PXDN: variants seen among roughly 807,000 people sequenced by gnomAD.
PXDN encodes peroxidasin.
PXDN carries 77 observed loss-of-function variants against 140.3 expected under a neutral mutation model. That is an observed-to-expected ratio of 0.55 (90% CI 0.46 to 0.66). The LOEUF is 0.66. Ranked by LOEUF, PXDN falls within the 30% of genes least tolerant of loss-of-function variation. The probability of loss-of-function intolerance (pLI) is 0.00; values close to 1 mark genes in which losing one functional copy is unlikely to be tolerated. For missense variants in PXDN, 1,838 were observed against 2,039.5 expected (o/e 0.90, Z 1.90); for synonymous variants, 911 against 857.4 (o/e 1.06, Z -1.09).
intron 14 of PXDN, among the ~76,000 whole-genome samples, chr2:1,658,080 CTCTCTCTCTCTCTGTT>C (rs750482583): frequency 1.4e-5 from 1 of 70,274 alleles, no homozygotes; most frequent in African/African-American, 5.1e-5. Context: ...CTCTCTCTCT[CTCTCTCTCTCTCTGTT>C]ACAGTGTCTG....
chr2:1,662,534 T>C (rs1162272287), intron 12 of PXDN, among the ~76,000 whole-genome samples: 1 of 152,184 alleles, frequency 6.6e-6, no homozygotes, highest in Non-Finnish European at 1.5e-5. Context: ...CTCAGGCATA[T>C]GCTGTGCCGC....
intron 11 of PXDN, chr2:1,664,327 G>C (rs1395163215): frequency 6.4e-6 from 1 of 157,128 alleles, no homozygotes; most frequent in East Asian, 1.9e-4. Flanking sequence ...GTCACTGCTT[G>C]CATCCCAGGA....
Position 1,647,306 on chromosome 2 carries a change from G to GA in PXDN, c.3608+865dup, listed in dbSNP as rs1288620398. On this transcript the variant is annotated intron_variant, in intron 17 of 22. Transcript: ENST00000252804. ...ATATCTAGCAAAAAGGAGAGCCGCT[G>GA]AATGTCTCCACTTTGGGGAATTCTG... is the stretch of plus-strand genomic sequence containing the variant. Among the ~76,000 whole-genome samples, 5 of 152,214 alleles carry GA rather than the reference G, an allele frequency of 3.3e-5. No individual in the cohort carries two copies. The South Asian group carries it at 8.3e-4, about 25-fold the overall frequency.
chr2:1,743,629 T>G (rs1355032874), intron 1 of PXDN, among the ~76,000 whole-genome samples: 5 of 20,040 alleles, frequency 2.5e-4, no homozygotes, highest in Non-Finnish European at 4.4e-4. Context: ...GGGCGGAGGC[T>G]GGGGGAGGAG....
At position 1,648,666 on chromosome 2, in the gene PXDN, G is replaced by T. The variant is rs772364329; in HGVS notation, c.3114C>A (p.Ile1038=). ...GCGTCCTCATGCCCACCTCCCCCAG[G>T]ATCTTCGGGAGCCAGTGCTGGTAGG... ...HITYQHWLPK[I]LGEVGMRTLG... The change falls in exon 17 of 23, where the codon ATC becomes ATA. Residue 1038 remains isoleucine (I), a synonymous_variant. Transcript: ENST00000252804. The surrounding 1 kb of genome is among the most constrained non-coding windows in gnomAD (Gnocchi z 8.9). The T allele has an allele frequency of 6.2e-7, 1 of 1,608,738 alleles. No individual in the cohort carries two copies. Among genetic ancestry groups the T allele is most frequent in the Non-Finnish European group, 8.5e-7 (1 of 1,178,002 alleles).
intron 7 of PXDN, among the ~76,000 whole-genome samples, 191 bp from the exon 8 acceptor site, chr2:1,677,235 T>C (rs1347315296): frequency 6.6e-6 from 1 of 152,110 alleles, no homozygotes; most frequent in Admixed American, 6.5e-5. Context: ...CGGATCTACA[T>C]GATGTCTATG....
rs1684849923 is a variant in PXDN, at chr2:1,714,356, C to A, written c.201-21222G>T. 6.6e-6 allele frequency among the ~76,000 whole-genome samples: 1 copy of A among 152,294 alleles called. No individual in the cohort carries two copies. The highest frequency in any genetic ancestry group is 2.1e-4 in the South Asian group (1 of 4,822). ...GTCCGGCACCCTGGCCCACTCGCTC[C>A]CATGCCTTTGAGAGGAGATCAGGTC... On this transcript the variant is annotated intron_variant, in intron 1 of 22. Transcript: ENST00000252804. This position sits in a 1 kb window ranked among gnomAD's most constrained non-coding sequence, Gnocchi z 4.3.
chr2:1,728,401 G>A (rs1381506176), intron 1 of PXDN, among the ~76,000 whole-genome samples: 1 of 152,232 alleles, frequency 6.6e-6, no homozygotes, highest in African/African-American at 2.4e-5. Context: ...CAGTCCCTCC[G>A]CATTATTTGC....
intron 1 of PXDN, among the ~76,000 whole-genome samples, chr2:1,697,191 C>T (rs1684317473): frequency 6.6e-6 from 1 of 152,126 alleles, no homozygotes; most frequent in African/African-American, 2.4e-5. Context: ...AGTCATTGTT[C>T]TTCGGGAATG....
rs114360452 is a variant in PXDN, at chr2:1,737,400, C to T, written c.200+6856G>A. Among the ~76,000 whole-genome samples the T allele has an allele frequency of 7.1e-3, 1,082 of 152,270 alleles. 10 individuals are homozygous for T. The highest frequency in any genetic ancestry group is 0.013 in the Non-Finnish European group (870 of 68,014). ...CCCACGAAACAGCGGACAGTCTACT[C>T]ATGGTTTTTGTTCGTTTTTGTCAGC... On this transcript the variant is annotated intron_variant, in intron 1 of 22. Coordinates refer to ENST00000252804, the MANE Select transcript of PXDN (RefSeq NM_012293.3).
intron 19 of PXDN, 104 bp downstream of exon 19, chr2:1,643,262 TCA>T: frequency 8.4e-7 from 1 of 1,187,104 alleles, no homozygotes; most frequent in Non-Finnish European, 1.2e-6. Context: ...TATTTTGTTT[TCA>T]GTTTTCAAGA....
intron 6 of PXDN, among the ~76,000 whole-genome samples, chr2:1,680,985 T>C (rs995543431): frequency 5.9e-5 from 9 of 152,194 alleles, no homozygotes; most frequent in African/African-American, 1.7e-4. Flanking sequence ...GCCTGCACCC[T>C]GGGAAAAGTG....
intron 1 of PXDN, among the ~76,000 whole-genome samples, chr2:1,734,387 T>C (rs981617602): frequency 1.3e-5 from 2 of 152,200 alleles, no homozygotes; most frequent in African/African-American, 4.8e-5. Context: ...GAACCTTGCT[T>C]TTATGTTGCT....
intron 12 of PXDN, 84 bp from the exon 13 acceptor site, chr2:1,662,268 C>A: frequency 1.8e-6 from 2 of 1,120,790 alleles, no homozygotes. Context: ...TGCCCTCCAT[C>A]AGGCCCACTC....
At chr2:1,732,863 T>C (rs1419172480) in intron 1 of PXDN, among the ~76,000 whole-genome samples, 2 of 152,244 alleles carry the variant, frequency 1.3e-5, no homozygotes, top group Non-Finnish European at 2.9e-5. Flanking sequence ...AAATTGTATT[T>C]ATTCCACAAG....
At chr2:1,744,139 C>G (rs1685631289) in intron 1 of PXDN, 117 bp downstream of exon 1, 10 of 1,095,784 alleles carry the variant, frequency 9.1e-6, no homozygotes, top group Middle Eastern at 6.4e-4. Flanking sequence ...CCCCAGGCCC[C>G]CCGCGCGCCC....
At chr2:1,705,081 T>A (rs938519529) in intron 1 of PXDN, among the ~76,000 whole-genome samples, 1 of 150,990 alleles carries the variant, frequency 6.6e-6, no homozygotes, top group Non-Finnish European at 1.5e-5. Context: ...TCAACCCTGA[T>A]GTCGCCCGGC....
chr2:1,659,712 A>G (rs1683258747), intron 14 of PXDN, among the ~76,000 whole-genome samples: 2 of 150,880 alleles, frequency 1.3e-5, no homozygotes, highest in Admixed American at 1.3e-4. Flanking sequence ...ACTTAATTTT[A>G]CACTTAATTT....
At chr2:1,717,215 G>A (rs985292545) in intron 1 of PXDN, among the ~76,000 whole-genome samples, 5 of 152,224 alleles carry the variant, frequency 3.3e-5, no homozygotes, top group Admixed American at 6.5e-5. Flanking sequence ...GAGAAAAAAA[G>A]CCTGCTTGGC....
Sources: gnomAD v4.1 joint callset for allele counts (sites outside exome capture counted in the v4.1 genomes callset) on GRCh38, gnomAD v4.1.1 for gene constraint, Gnocchi (gnomAD v3.1) non-coding constraint, MANE v1.5 for transcripts, NCBI Gene and HGNC (gene_info 2026-07-23, HGNC 2026-07-21) for gene names.